The following QRFP variants were observed in gnomAD, a reference collection of about 807,000 sequenced individuals.
QRFP encodes the protein pyroglutamylated RFamide peptide.
In QRFP, 7 loss-of-function variants were observed where a neutral mutation model predicts 9.1. The ratio of observed to expected loss-of-function variants is 0.77; its 90% CI spans 0.44 to 1.45. The LOEUF (loss-of-function observed/expected upper bound fraction) is 1.45, where lower values mean the gene tolerates loss of function less well. Among genes scored for constraint, QRFP ranks in the 40% most tolerant of loss-of-function variants. The pLI is 0.01. For synonymous variants in QRFP, 91 were observed against 80.2 expected (o/e 1.13, Z -0.72); for missense variants, 204 against 185.4 (o/e 1.10, Z -0.58).
At position 130,893,138 on chromosome 9, in the gene QRFP, G is replaced by A. The variant is rs1032126824; in HGVS notation, c.*290C>T. ...ATGGCCCAGCCACAGCCTCAGCTCC[G>A]TGCCCCTGGGGCCAGGGGGCTGCTC... On this transcript the variant is annotated 3_prime_UTR_variant, in exon 3 of 3. Coordinates refer to ENST00000623824, the MANE Select transcript of QRFP (RefSeq NM_198180.3). 27 of 292,468 alleles carry A rather than the reference G, an allele frequency of 9.2e-5. No individual in the cohort carries two copies. The highest frequency in any genetic ancestry group is 2.0e-4 in the South Asian group (2 of 10,222). 18.1% of individuals were successfully genotyped at this position (292,468 alleles called of 1,614,324 possible). A position where few individuals can be genotyped will look rare whatever the true frequency, so the allele number is the denominator to read the frequency against.
intron 2 of QRFP, among the ~76,000 whole-genome samples, chr9:130,894,090 C>A (rs995385430): frequency 6.6e-6 from 1 of 152,244 alleles, no homozygotes; most frequent in African/African-American, 2.4e-5. Flanking sequence ...CACCGTAAAT[C>A]CACCGCTGCT....
chr9:130,894,578 A>G (rs945319731), intron 2 of QRFP, among the ~76,000 whole-genome samples: 1 of 152,224 alleles, frequency 6.6e-6, no homozygotes, highest in African/African-American at 2.4e-5. Context: ...CTCTGGATTC[A>G]TGATTCTAAT....
chr9:130,894,893 G>A (rs1202150107), intron 2 of QRFP, among the ~76,000 whole-genome samples: 2 of 152,112 alleles, frequency 1.3e-5, no homozygotes, highest in East Asian at 1.9e-4. Context: ...GACAATGACC[G>A]CGGGGGAGCT....
At chr9:130,894,505 CA>C (rs1831731799) in intron 2 of QRFP, among the ~76,000 whole-genome samples, 1 of 152,206 alleles carries the variant, frequency 6.6e-6, no homozygotes, top group Non-Finnish European at 1.5e-5. Context: ...CCCACTTTTT[CA>C]GGCAACAAAA....
chr9:130,894,766 T>C (rs1831734658), intron 2 of QRFP, among the ~76,000 whole-genome samples: 2 of 152,092 alleles, frequency 1.3e-5, no homozygotes, highest in African/African-American at 4.8e-5. Flanking sequence ...CAGGAAGGCG[T>C]GCCCTAACTC....
intron 2 of QRFP, 23 bp from the exon 3 acceptor site, chr9:130,893,861 A>G (rs1462667803): frequency 6.7e-6 from 10 of 1,496,250 alleles, no homozygotes; most frequent in Non-Finnish European, 8.9e-6. Flanking sequence ...AAAGAGAGGC[A>G]GAGTGACAGG....
chr9:130,895,299 C>T (rs763158562), intron 2 of QRFP, among the ~76,000 whole-genome samples: 45 of 152,168 alleles, frequency 3.0e-4, no homozygotes, highest in Non-Finnish European at 5.1e-4. Context: ...TAAATCCACC[C>T]GGGAGTGGCC....
chr9:130,893,257 A>C lies in QRFP; in HGVS notation c.*171T>G. On this transcript the variant is annotated 3_prime_UTR_variant, in exon 3 of 3. Transcript: ENST00000623824. ...ACTGCCTAGTTTTTCGCTTCAGCAAAGTTGGAAATCAAAAGTAAGCACACA... is the reference window on the plus strand; with the variant it reads ...ACTGCCTAGTTTTTCGCTTCAGCAACGTTGGAAATCAAAAGTAAGCACACA... 1.5e-6 allele frequency: 1 copy of C among 658,662 alleles called. No individual in the cohort carries two copies. Among genetic ancestry groups the C allele is most frequent in the Non-Finnish European group, 2.4e-6 (1 of 424,992 alleles). 40.8% of individuals were successfully genotyped at this position (658,662 alleles called of 1,614,324 possible).
In QRFP at chr9:130,893,770, G is replaced by A; in HGVS notation, c.69C>T (p.Asp23=). Residue 23 remains aspartate, a synonymous_variant, in exon 3 of 3, where the codon GAC becomes GAT. Transcript: ENST00000623824. ...CCATGGCGTCTGTGGGCTCTCTTCT[G>A]TCCAGTAGAGGGAAGCAGGCGCCCA... ...LPLGACFPLL[D]RREPTDAMGG... is the part of the protein sequence containing the mutation. The A allele has an allele frequency of 6.3e-7, 1 of 1,590,492 alleles. No homozygotes were observed. The highest frequency in any genetic ancestry group is 8.6e-7 in the Non-Finnish European group (1 of 1,169,152).
In QRFP at chr9:130,893,852, A is replaced by G. The variant is rs764698621; in HGVS notation, c.1-14T>C. 8 of 1,500,014 alleles carry G rather than the reference A, an allele frequency of 5.3e-6. No individual in the cohort carries two copies. In the African/African-American group the frequency reaches 9.8e-5, roughly 18 times the overall value. 92.9% of individuals were successfully genotyped at this position (1,500,014 alleles called of 1,614,324 possible). On this transcript the variant is annotated splice_polypyrimidine_tract_variant and intron_variant, in intron 2 of 2. Transcript: ENST00000623824. Reference sequence around the variant, plus strand: ...AGGCCTTACCATCTGACCCAGAGGAAAGAGAGGCAGAGTGACAGGCTGCAC... The same window carrying G: ...AGGCCTTACCATCTGACCCAGAGGAGAGAGAGGCAGAGTGACAGGCTGCAC...
Position 130,893,360 on chromosome 9 carries a change from G to T in QRFP, c.*68C>A. ...GGTGTCGTGGTCTTTGAGACTGGGG[G>T]AGAAGGCAGGAGTGAAGACAATGGG... On this transcript the variant is annotated 3_prime_UTR_variant, in exon 3 of 3. Transcript: ENST00000623824. 7 of 1,463,518 alleles carry T rather than the reference G, an allele frequency of 4.8e-6. No homozygotes were observed. 90.7% of individuals were successfully genotyped at this position (1,463,518 alleles called of 1,614,324 possible). A position where few individuals can be genotyped will look rare whatever the true frequency, so the allele number is the denominator to read the frequency against.
Position 130,893,353 on chromosome 9 carries a change from A to C in QRFP, c.*75T>G. 1 of 1,445,446 alleles carries C rather than the reference A, an allele frequency of 6.9e-7. No homozygotes were observed. The highest frequency in any genetic ancestry group is 9.3e-7 in the Non-Finnish European group (1 of 1,071,544). The allele number at this position is 1,445,446 out of a possible 1,614,324, so 89.5% of individuals were successfully genotyped here. ...TCATCTGGGTGTCGTGGTCTTTGAG[A>C]CTGGGGGAGAAGGCAGGAGTGAAGA... On this transcript the variant is annotated 3_prime_UTR_variant, in exon 3 of 3. Transcript: ENST00000623824.
intron 2 of QRFP, among the ~76,000 whole-genome samples, chr9:130,894,650 A>G (rs1454371460): frequency 6.6e-6 from 1 of 152,124 alleles, no homozygotes; most frequent in African/African-American, 2.4e-5. Context: ...CTCCTATTTC[A>G]CAGGGGTGGT....
At position 130,893,763 on chromosome 9, in the gene QRFP, C is replaced by CTCT. The variant is rs757204125; in HGVS notation, c.73_75dup (p.Arg25dup). ...AGGCCACCCATGGCGTCTGTGGGCTCTCTTCTGTCCAGTAGAGGGAAGCAG... is the reference window on the plus strand; with the variant it reads ...AGGCCACCCATGGCGTCTGTGGGCTCTCTTCTTCTGTCCAGTAGAGGGAAGCAG... On this transcript the variant is annotated inframe_insertion, in exon 3 of 3. Coordinates refer to ENST00000623824, the MANE Select transcript of QRFP (RefSeq NM_198180.3). 6.2e-7 allele frequency: 1 copy of CTCT among 1,601,482 alleles called. No individual in the cohort carries two copies. Among genetic ancestry groups the CTCT allele is most frequent in the Admixed American group, 1.7e-5 (1 of 57,284 alleles).
At position 130,893,110 on chromosome 9, in the gene QRFP, C is replaced by T. The variant is rs779930056; in HGVS notation, c.*318G>A. On this transcript the variant is annotated 3_prime_UTR_variant, in exon 3 of 3. Coordinates refer to ENST00000623824, the MANE Select transcript of QRFP (RefSeq NM_198180.3). Reference sequence around the variant, plus strand: ...CCGCTGCCTCGCTCTGCTATTCACACTCATGGCCCAGCCACAGCCTCAGCT... The same window carrying T: ...CCGCTGCCTCGCTCTGCTATTCACATTCATGGCCCAGCCACAGCCTCAGCT... 1.5e-5 allele frequency: 4 copies of T among 266,390 alleles called. No individual in the cohort carries two copies. Among genetic ancestry groups the T allele is most frequent in the Non-Finnish European group, 2.1e-5 (3 of 142,204 alleles). 16.5% of individuals were successfully genotyped at this position (266,390 alleles called of 1,614,324 possible). A position where few individuals can be genotyped will look rare whatever the true frequency, so the allele number is the denominator to read the frequency against.
At position 130,893,349 on chromosome 9, in the gene QRFP, T is replaced by C; in HGVS notation, c.*79A>G. The C allele has an allele frequency of 7.0e-7, 1 of 1,434,256 alleles. No homozygotes were observed. Among genetic ancestry groups the C allele is most frequent in the Non-Finnish European group, 9.4e-7 (1 of 1,062,376 alleles). The allele number at this position is 1,434,256 out of a possible 1,614,324, so 88.8% of individuals were successfully genotyped here. ...TACATCATCTGGGTGTCGTGGTCTT[T>C]GAGACTGGGGGAGAAGGCAGGAGTG... On this transcript the variant is annotated 3_prime_UTR_variant, in exon 3 of 3. Coordinates refer to ENST00000623824, the MANE Select transcript of QRFP (RefSeq NM_198180.3).
chr9:130,893,946 G>A, intron 2 of QRFP, 108 bp from the exon 3 acceptor site: 1 of 1,059,388 alleles, frequency 9.4e-7, no homozygotes. Flanking sequence ...TGAGCAGGGG[G>A]CTCAGCTGAG....
rs766349703 is a variant in QRFP, at chr9:130,893,696, C to T, written c.143G>A (p.Arg48Gln). Residue 48 changes from arginine to glutamine, a missense_variant, in exon 3 of 3, where the codon CGA becomes CAA. By Grantham distance (43) the Arg-to-Gln change is conservative. Coordinates refer to ENST00000623824, the MANE Select transcript of QRFP (RefSeq NM_198180.3). ...AGAGGAACCCCACACGGAGTGGGGTCGGGGCCCCATGGCCAGGTCGGCCCA... is the reference window on the plus strand; with the variant it reads ...AGAGGAACCCCACACGGAGTGGGGTTGGGGCCCCATGGCCAGGTCGGCCCA... ...ERWADLAMGP[R>Q]PHSVWGSSRW... The T allele has an allele frequency of 2.5e-6, 4 of 1,609,572 alleles. No homozygotes were observed. In the South Asian group the frequency reaches 3.3e-5, roughly 13 times the overall value.
chr9:130,894,551 C>A (rs1253120699), intron 2 of QRFP, among the ~76,000 whole-genome samples: 1 of 152,218 alleles, frequency 6.6e-6, no homozygotes, highest in Non-Finnish European at 1.5e-5. Flanking sequence ...CCAGGCCACA[C>A]AGCCAGAAAG....
Sources: gnomAD v4.1 joint callset for allele counts (sites outside exome capture counted in the v4.1 genomes callset) on GRCh38, gnomAD v4.1.1 for gene constraint, MANE v1.5 for transcripts, NCBI Gene and HGNC (gene_info 2026-07-23, HGNC 2026-07-21) for gene names.